The following NDUFB5 variants were observed in gnomAD, a reference collection of about 807,000 sequenced individuals.
NDUFB5 encodes NADH dehydrogenase [ubiquinone] 1 beta subcomplex subunit 5, mitochondrial.
NDUFB5 carries 19 observed loss-of-function variants against 19.4 expected under a neutral mutation model. The observed-to-expected ratio is 0.98, with a 90% CI of 0.68 to 1.43. The LOEUF (loss-of-function observed/expected upper bound fraction) is 1.43. Ranked by LOEUF, NDUFB5 falls within the 40% of genes most tolerant of loss-of-function variation. NDUFB5 has a pLI of 0.00. For missense variants in NDUFB5, 233 were observed against 236.5 expected, an observed-to-expected ratio of 0.99 and a Z score of 0.10; for synonymous variants, 80 against 82.6, an observed-to-expected ratio of 0.97 and a Z score of 0.17.
intron 5 of NDUFB5, among the ~76,000 whole-genome samples, chr3:179,619,978 T>A (rs1204040443): frequency 2.0e-5 from 3 of 152,244 alleles, no homozygotes; most frequent in Admixed American, 6.5e-5. Flanking sequence ...ATGTGTCTTT[T>A]GGCTGCATAA....
intron 5 of NDUFB5, among the ~76,000 whole-genome samples, chr3:179,620,260 G>A (rs1047249236): frequency 6.6e-6 from 1 of 152,050 alleles, no homozygotes; most frequent in African/African-American, 2.4e-5. Context: ...TTTTAGACAT[G>A]AAGTCCTTGC....
intron 5 of NDUFB5, among the ~76,000 whole-genome samples, chr3:179,619,728 T>A (rs914668763): frequency 1.3e-5 from 2 of 152,238 alleles, no homozygotes; most frequent in African/African-American, 4.8e-5. Flanking sequence ...ATGGGATTGC[T>A]GGGTCAAATG....
rs1421063111 is a variant in NDUFB5 at position 179,626,781 on chromosome 3, T to C, written c.*2741T>C. On this transcript the variant is annotated 3_prime_UTR_variant, in exon 6 of 6. Transcript: ENST00000259037. Reference sequence around the variant, plus strand: ...CTTCTGACCTTGTGATCCACCCACCTTGGTCTCCCAAAGTGCTGGGATTAC... The same window carrying C: ...CTTCTGACCTTGTGATCCACCCACCCTGGTCTCCCAAAGTGCTGGGATTAC... The C allele has an allele frequency of 6.6e-6, 1 of 152,224 alleles. No individual in the cohort carries two copies. Among genetic ancestry groups the C allele is most frequent in the African/African-American group, 2.4e-5 (1 of 41,452 alleles). The allele number at this position is 152,224 out of a possible 1,614,324, so 9.4% of individuals were successfully genotyped here.
intron 5 of NDUFB5, among the ~76,000 whole-genome samples, chr3:179,620,315 G>A (rs1469433013): frequency 6.6e-6 from 1 of 151,752 alleles, no homozygotes; most frequent in Admixed American, 6.6e-5. Context: ...TTCTTCTGGG[G>A]TTTTTATGGT....
At chr3:179,616,541 C>A (rs1288555604) in intron 3 of NDUFB5, among the ~76,000 whole-genome samples, 1 of 151,794 alleles carries the variant, frequency 6.6e-6, no homozygotes, top group Non-Finnish European at 1.5e-5. Flanking sequence ...GACTCTGTCC[C>A]CCCCCCAAAA....
At chr3:179,622,062 G>C (rs1719553209) in intron 5 of NDUFB5, among the ~76,000 whole-genome samples, 1 of 151,984 alleles carries the variant, frequency 6.6e-6, no homozygotes, top group Admixed American at 6.5e-5. Flanking sequence ...CGACCTCCTG[G>C]GCTTAAGCAG....
At position 179,627,261 on chromosome 3, in the gene NDUFB5, A is replaced by G. The variant is rs1719695244; in HGVS notation, c.*3221A>G. ...ACTCAGTTGTACGTAAGAAAACCCA[A>G]TTCCCCCTGAGAAAGAGAAAGAGCT... On this transcript the variant is annotated 3_prime_UTR_variant, in exon 6 of 6. Transcript: ENST00000259037. The G allele has an allele frequency of 6.6e-6, 1 of 152,118 alleles. No homozygotes were observed. Among genetic ancestry groups the G allele is most frequent in the East Asian group, 1.9e-4 (1 of 5,184 alleles). The allele number at this position is 152,118 out of a possible 1,614,324, so 9.4% of individuals were successfully genotyped here. A position where few individuals can be genotyped will look rare whatever the true frequency, so the allele number is the denominator to read the frequency against.
intron 1 of NDUFB5, among the ~76,000 whole-genome samples, chr3:179,613,107 G>A (rs1035375009): frequency 6.6e-6 from 1 of 152,104 alleles, no homozygotes; most frequent in African/African-American, 2.4e-5. Context: ...GGACCCCATG[G>A]CCACTCTTGT....
At chr3:179,622,518 A>G (rs1404161358) in intron 5 of NDUFB5, among the ~76,000 whole-genome samples, 2 of 152,178 alleles carry the variant, frequency 1.3e-5, no homozygotes, top group African/African-American at 4.8e-5. Context: ...ACATAACAGT[A>G]TATGTAGCAT....
chr3:179,622,389 C>CT (rs1377011053), intron 5 of NDUFB5, among the ~76,000 whole-genome samples: 2 of 152,100 alleles, frequency 1.3e-5, no homozygotes, highest in Non-Finnish European at 2.9e-5. Context: ...CTCAAGCAAC[C>CT]TTCCCACCTC....
intron 1 of NDUFB5, among the ~76,000 whole-genome samples, chr3:179,612,552 T>G (rs1719272427): frequency 6.8e-6 from 1 of 147,236 alleles, no homozygotes; most frequent in African/African-American, 2.5e-5. Context: ...CTAGGCTCAC[T>G]GCAAGCTCCG....
chr3:179,616,539 C>CT (rs1719382942), intron 3 of NDUFB5, among the ~76,000 whole-genome samples: 1 of 149,068 alleles, frequency 6.7e-6, no homozygotes, highest in Non-Finnish European at 1.5e-5. Flanking sequence ...GAGACTCTGT[C>CT]CCCCCCCCAA....
At chr3:179,616,559 A>G (rs1389132076) in intron 3 of NDUFB5, among the ~76,000 whole-genome samples, 1 of 152,092 alleles carries the variant, frequency 6.6e-6, no homozygotes, top group East Asian at 1.9e-4. Context: ...AAAAAAAACT[A>G]TAATCCTCTT....
chr3:179,612,455 C>T (rs1436881841), intron 1 of NDUFB5, among the ~76,000 whole-genome samples: 2 of 147,688 alleles, frequency 1.4e-5, no homozygotes, highest in East Asian at 4.0e-4. Context: ...AAGCAGTTCA[C>T]ATTACTAAGT....
rs1719303791 is a variant in NDUFB5, at chr3:179,613,610, TTGC to T, written c.125-1358_125-1356del. Among the ~76,000 whole-genome samples, 4 of 152,260 alleles carry T rather than the reference TTGC, an allele frequency of 2.6e-5. No homozygotes were observed. In the South Asian group the frequency reaches 8.3e-4, roughly 32 times the overall value. On this transcript the variant is annotated intron_variant, in intron 1 of 5. Coordinates refer to ENST00000259037, the MANE Select transcript of NDUFB5 (RefSeq NM_002492.4). Reference sequence around the variant, plus strand: ...AAAAATTATGTATGTTTCAGATGATTTGCTGAAGTCCATACTTACTTTGTCAAA... The same window carrying T: ...AAAAATTATGTATGTTTCAGATGATTTGAAGTCCATACTTACTTTGTCAAA...
At chr3:179,609,489 C>T (rs974826119) in intron 1 of NDUFB5, among the ~76,000 whole-genome samples, 1 of 152,186 alleles carries the variant, frequency 6.6e-6, no homozygotes, top group African/African-American at 2.4e-5. Flanking sequence ...GGTCACTCTA[C>T]TGGGGCTATG....
At chr3:179,616,578 T>A (rs1719385130) in intron 3 of NDUFB5, among the ~76,000 whole-genome samples, 1 of 152,076 alleles carries the variant, frequency 6.6e-6, no homozygotes, top group Admixed American at 6.6e-5. Flanking sequence ...TTACAAAGAC[T>A]GAAAGTGTCA....
chr3:179,605,086 A>G (rs1719045566), intron 1 of NDUFB5, 147 bp downstream of exon 1: 13 of 1,213,466 alleles, frequency 1.1e-5, no homozygotes, highest in Non-Finnish European at 1.4e-5. Context: ...AGCACGAGCT[A>G]TATGAGGGGT....
Position 179,624,616 on chromosome 3 carries a change from A to T in NDUFB5, c.*576A>T, listed in dbSNP as rs182790954. ...ACACACACACACACGCTCTTTTCCT[A>T]GATGCAATCTCTGGGATCCCTTAGA... is the stretch of plus-strand genomic sequence containing the variant. On this transcript the variant is annotated 3_prime_UTR_variant, in exon 6 of 6. Coordinates refer to ENST00000259037, the MANE Select transcript of NDUFB5 (RefSeq NM_002492.4). The T allele has an allele frequency of 1.5e-5, 1 of 68,528 alleles. No homozygotes were observed. Among genetic ancestry groups the T allele is most frequent in the East Asian group, 6.6e-4 (1 of 1,510 alleles). The allele number at this position is 68,528 out of a possible 1,614,324, so 4.2% of individuals were successfully genotyped here.
Sources: gnomAD v4.1 joint callset for allele counts (sites outside exome capture counted in the v4.1 genomes callset) on GRCh38, gnomAD v4.1.1 for gene constraint, MANE v1.5 for transcripts, NCBI Gene and HGNC (gene_info 2026-07-23, HGNC 2026-07-21) for gene names.